The following RPGRIP1L variants were observed in gnomAD, a reference collection of about 807,000 sequenced individuals.
RPGRIP1L encodes protein fantom.
RPGRIP1L carries 131 observed loss-of-function variants against 160.4 expected under a neutral mutation model. The observed-to-expected ratio is 0.82, with a 90% CI of 0.71 to 0.94. The LOEUF (loss-of-function observed/expected upper bound fraction) is 0.94. RPGRIP1L is among the 40% of genes least tolerant of loss of function. The pLI, the probability that RPGRIP1L is intolerant of heterozygous loss-of-function variation, is 0.00. For missense variants in RPGRIP1L, 1,522 were observed against 1,535.8 expected (o/e 0.99, Z 0.15); for synonymous variants, 510 against 515.8 (o/e 0.99, Z 0.15).
chr16:53,625,568 G>A (rs1598264059), intron 22 of RPGRIP1L, among the ~76,000 whole-genome samples: 1 of 151,256 alleles, frequency 6.6e-6, no homozygotes, highest in South Asian at 2.1e-4. Flanking sequence ...GGGGGTGGGG[G>A]GGCCCCTCTG....
intron 22 of RPGRIP1L, among the ~76,000 whole-genome samples, chr16:53,626,097 T>C (rs1341284445): frequency 7.1e-6 from 1 of 140,708 alleles, no homozygotes; most frequent in Non-Finnish European, 1.5e-5. Context: ...CCTATGACCC[T>C]GTCAAATCCC....
chr16:53,674,472 C>CT (rs1277402005), intron 7 of RPGRIP1L, among the ~76,000 whole-genome samples: 1 of 151,844 alleles, frequency 6.6e-6, no homozygotes, highest in Non-Finnish European at 1.5e-5. Flanking sequence ...TATTGTCAAC[C>CT]TGAAGGGTTA....
intron 3 of RPGRIP1L, chr16:53,694,130 G>A (rs1305780876): frequency 2.6e-5 from 4 of 152,112 alleles, no homozygotes; most frequent in Non-Finnish European, 5.9e-5. Context: ...AAGTCTGAGT[G>A]CTTATTTAAA....
In RPGRIP1L at chr16:53,678,352, T is replaced by C. The variant is rs192620506; in HGVS notation, c.777-3230A>G. Among the ~76,000 whole-genome samples the C allele has an allele frequency of 3.2e-3, 483 of 152,286 alleles. 3 individuals carry two copies. The highest frequency in any genetic ancestry group is 0.011 in the African/African-American group (469 of 41,572). Reference sequence around the variant, plus strand: ...TAAACTCTGAAAAAGGAATTTCTAATGGAAGCCTTGAAAACACTTGACTCC... The same window carrying C: ...TAAACTCTGAAAAAGGAATTTCTAACGGAAGCCTTGAAAACACTTGACTCC... On this transcript the variant is annotated intron_variant, in intron 6 of 26. Transcript: ENST00000647211.
intron 17 of RPGRIP1L, among the ~76,000 whole-genome samples, chr16:53,644,295 G>C (rs1215983067): frequency 6.6e-6 from 1 of 152,134 alleles, no homozygotes; most frequent in Non-Finnish European, 1.5e-5. Flanking sequence ...TGAAGAATGG[G>C]AGGAAAAATG....
intron 22 of RPGRIP1L, among the ~76,000 whole-genome samples, chr16:53,630,627 A>ATAT (rs1965459860): frequency 6.6e-6 from 1 of 152,198 alleles, no homozygotes; most frequent in Non-Finnish European, 1.5e-5. Flanking sequence ...TGTTGATGGT[A>ATAT]TATTAGTAAG....
At chr16:53,699,443 C>T (rs1020672840) in intron 2 of RPGRIP1L, among the ~76,000 whole-genome samples, 1 of 145,868 alleles carries the variant, frequency 6.9e-6, no homozygotes, top group Non-Finnish European at 1.5e-5. Context: ...TGAAGAAGGT[C>T]GATTTTCAAC....
chr16:53,690,141 G>A (rs539025329), intron 4 of RPGRIP1L, among the ~76,000 whole-genome samples: 32 of 152,224 alleles, frequency 2.1e-4, no homozygotes, highest in African/African-American at 7.7e-4. Flanking sequence ...CTTTTTTTGT[G>A]TTAAATGATC....
intron 19 of RPGRIP1L, among the ~76,000 whole-genome samples, chr16:53,639,377 C>T (rs1325573320): frequency 6.6e-6 from 1 of 151,844 alleles, no homozygotes; most frequent in East Asian, 1.9e-4. Flanking sequence ...ACAATATATC[C>T]TGTTGCATTT....
In RPGRIP1L at chr16:53,702,838, C is replaced by T. The variant is rs567745281; in HGVS notation, c.-8+965G>A. ...TGGCTTGTATCTCTTATAGCAACTG[C>T]CTCTATCTGAAGTTATCAGATAAAA... is the stretch of plus-strand genomic sequence containing the variant. On this transcript the variant is annotated intron_variant, in intron 1 of 26. Transcript: ENST00000647211. Among the ~76,000 whole-genome samples, 3 of 152,110 alleles carry T rather than the reference C, an allele frequency of 2.0e-5. No individual in the cohort carries two copies. In the South Asian group the frequency reaches 6.2e-4, roughly 32 times the overall value.
At chr16:53,615,451 AATATATAT>A (rs1253551117) in intron 24 of RPGRIP1L, among the ~76,000 whole-genome samples, 5 of 122,394 alleles carry the variant, frequency 4.1e-5, no homozygotes, top group South Asian at 2.6e-4. Flanking sequence ...TATTTCTAAG[AATATATAT>A]ATATATATAT....
At chr16:53,628,035 G>T (rs1468854751) in intron 22 of RPGRIP1L, among the ~76,000 whole-genome samples, 1 of 152,050 alleles carries the variant, frequency 6.6e-6, no homozygotes, top group African/African-American at 2.4e-5. Flanking sequence ...GAACTGCTGG[G>T]TAATAGGTAA....
intron 12 of RPGRIP1L, among the ~76,000 whole-genome samples, chr16:53,658,209 A>G (rs1339199317): frequency 6.6e-6 from 1 of 152,172 alleles, no homozygotes; most frequent in African/African-American, 2.4e-5. Flanking sequence ...AAATATGTAT[A>G]TGCTATAACT....
intron 22 of RPGRIP1L, among the ~76,000 whole-genome samples, chr16:53,623,197 G>C (rs1964854531): frequency 6.6e-6 from 1 of 152,154 alleles, no homozygotes. Flanking sequence ...CTAGTTATCA[G>C]AAGGTAGCAA....
intron 22 of RPGRIP1L, among the ~76,000 whole-genome samples, chr16:53,622,800 CA>C (rs1964823265): frequency 1.5e-3 from 3 of 1,992 alleles, no homozygotes; most frequent in African/African-American, 2.8e-3. Flanking sequence ...AAACAAAAAC[CA>C]CACACACACA....
At chr16:53,634,510 G>A (rs897614123) in intron 22 of RPGRIP1L, among the ~76,000 whole-genome samples, 1 of 152,100 alleles carries the variant, frequency 6.6e-6, no homozygotes, top group South Asian at 2.1e-4. Context: ...AATTTAATCC[G>A]CAGTGTGGCA....
chr16:53,637,624 G>T, intron 21 of RPGRIP1L, 71 bp downstream of exon 21: 2 of 1,337,026 alleles, frequency 1.5e-6, no homozygotes, highest in Non-Finnish European at 2.1e-6. Context: ...GATGTTCTAT[G>T]ATGCATACTC....
At chr16:53,652,002 G>A (rs1022635287) in intron 15 of RPGRIP1L, among the ~76,000 whole-genome samples, 1 of 151,724 alleles carries the variant, frequency 6.6e-6, no homozygotes, top group Non-Finnish European at 1.5e-5. Context: ...TAGCCAAAAA[G>A]AGTATCAATA....
chr16:53,606,970 C>T (rs980607803), intron 25 of RPGRIP1L, among the ~76,000 whole-genome samples: 1 of 152,056 alleles, frequency 6.6e-6, no homozygotes, highest in Non-Finnish European at 1.5e-5. Flanking sequence ...AAAGTTAACG[C>T]CTACTCACAA....
Sources: gnomAD v4.1 joint callset for allele counts (sites outside exome capture counted in the v4.1 genomes callset) on GRCh38, gnomAD v4.1.1 for gene constraint, MANE v1.5 for transcripts, NCBI Gene and HGNC (gene_info 2026-07-23, HGNC 2026-07-21) for gene names.